Variants in CORIN observed in about 807,000 individuals in gnomAD.
CORIN encodes atrial natriuretic peptide-converting enzyme.
In CORIN, 117 loss-of-function variants were observed where a neutral mutation model predicts 125.3. The ratio of observed to expected loss-of-function variants is 0.93; its 90% CI spans 0.80 to 1.09. The LOEUF (loss-of-function observed/expected upper bound fraction) is 1.09, where lower values mean the gene tolerates loss of function less well. CORIN is among the 50% of genes least tolerant of loss of function. CORIN has a pLI of 0.00. For synonymous variants in CORIN, 450 were observed against 466.4 expected (o/e 0.96, Z 0.45); for missense variants, 1,253 against 1,306.7 (o/e 0.96, Z 0.63).
intron 2 of CORIN, among the ~76,000 whole-genome samples, chr4:47,788,920 C>A (rs1487518563): frequency 6.6e-6 from 1 of 152,170 alleles, no homozygotes; most frequent in Non-Finnish European, 1.5e-5. Context: ...TTGTTCCTAA[C>A]TTTTTGGTAA....
At chr4:47,779,421 T>C (rs1160542018) in intron 3 of CORIN, among the ~76,000 whole-genome samples, 1 of 151,852 alleles carries the variant, frequency 6.6e-6, no homozygotes, top group Non-Finnish European at 1.5e-5. Context: ...CTTAGCTGCA[T>C]ATTCTTTTTT....
intron 5 of CORIN, among the ~76,000 whole-genome samples, chr4:47,709,444 C>G (rs1387272666): frequency 6.6e-6 from 1 of 152,022 alleles, no homozygotes; most frequent in Non-Finnish European, 1.5e-5. Flanking sequence ...AGGCACCCAC[C>G]ACCACACCTG....
chr4:47,726,330 C>T (rs552539377), intron 5 of CORIN, among the ~76,000 whole-genome samples: 71 of 152,048 alleles, frequency 4.7e-4, no homozygotes, highest in Non-Finnish European at 8.5e-4. Flanking sequence ...AGCAAATAAA[C>T]AAATTGAGGT....
At chr4:47,729,824 G>C (rs1727781413) in intron 5 of CORIN, among the ~76,000 whole-genome samples, 1 of 152,170 alleles carries the variant, frequency 6.6e-6, no homozygotes, top group Non-Finnish European at 1.5e-5. Context: ...ATCGGAACCA[G>C]CAGATCAGTG....
chr4:47,633,692 A>G (rs909641058), intron 16 of CORIN, among the ~76,000 whole-genome samples: 1 of 152,170 alleles, frequency 6.6e-6, no homozygotes, highest in Non-Finnish European at 1.5e-5. Context: ...ATTTAATTTT[A>G]GTTTCAAAGA....
chr4:47,793,038 G>A (rs1467583863), intron 2 of CORIN, among the ~76,000 whole-genome samples: 1 of 152,150 alleles, frequency 6.6e-6, no homozygotes, highest in African/African-American at 2.4e-5. Flanking sequence ...TGTTGTTGTT[G>A]TTGTTGTTGT....
chr4:47,720,416 T>C (rs1010307837), intron 5 of CORIN, among the ~76,000 whole-genome samples: 1 of 152,180 alleles, frequency 6.6e-6, no homozygotes, highest in Non-Finnish European at 1.5e-5. Flanking sequence ...CTAAACTAAA[T>C]AACCACTTTT....
At chr4:47,767,359 A>G (rs1268841647) in intron 3 of CORIN, among the ~76,000 whole-genome samples, 1 of 146,648 alleles carries the variant, frequency 6.8e-6, no homozygotes, top group Admixed American at 7.0e-5. Flanking sequence ...ACCACCATTA[A>G]AAAGAAAAAA....
chr4:47,791,274 G>A (rs1322887804), intron 2 of CORIN, among the ~76,000 whole-genome samples: 1 of 152,134 alleles, frequency 6.6e-6, no homozygotes, highest in Non-Finnish European at 1.5e-5. Context: ...TTGTTTTGAA[G>A]ATGGAAAGAG....
rs549288896 is a variant in CORIN at position 47,787,984 on chromosome 4, T to C, written c.209-1059A>G. 1.4e-4 allele frequency among the ~76,000 whole-genome samples: 22 copies of C among 152,370 alleles called. 1 individual carries two copies. The South Asian group carries it at 3.7e-3, about 26-fold the overall frequency. ...AAACAAAGAACCAAACCTAAGATTA[T>C]TGAAAACCACCTTGCTTTGTCTTTA... On this transcript the variant is annotated intron_variant, in intron 2 of 21. Coordinates refer to ENST00000273857, the MANE Select transcript of CORIN (RefSeq NM_006587.4).
intron 5 of CORIN, among the ~76,000 whole-genome samples, chr4:47,702,126 T>A (rs1403220768): frequency 6.6e-6 from 1 of 152,154 alleles, no homozygotes; most frequent in Non-Finnish European, 1.5e-5. Context: ...TTTAAAAAAA[T>A]TGTGTTTAAT....
intron 3 of CORIN, among the ~76,000 whole-genome samples, chr4:47,767,762 A>C (rs536772912): frequency 6.6e-6 from 1 of 152,332 alleles, no homozygotes; most frequent in East Asian, 1.9e-4. Flanking sequence ...GACACCACAT[A>C]AATGCAAAGG....
chr4:47,598,009 G>T (rs1026791441), intron 21 of CORIN, among the ~76,000 whole-genome samples: 1 of 152,130 alleles, frequency 6.6e-6, no homozygotes, highest in Admixed American at 6.5e-5. Context: ...TTTGAGTTAG[G>T]CTTAGTGAGT....
intron 6 of CORIN, among the ~76,000 whole-genome samples, chr4:47,689,619 G>A (rs1432024240): frequency 1.3e-5 from 2 of 152,142 alleles, no homozygotes; most frequent in Non-Finnish European, 2.9e-5. Flanking sequence ...CGTTTTCCTT[G>A]AGTTTCTAAT....
At chr4:47,647,078 G>T (rs557359880) in intron 13 of CORIN, among the ~76,000 whole-genome samples, 30 of 152,246 alleles carry the variant, frequency 2.0e-4, no homozygotes, top group Admixed American at 3.9e-4. Flanking sequence ...TAGGCCCAGG[G>T]ACATCCATTC....
chr4:47,719,247 C>A (rs1727239633), intron 5 of CORIN, among the ~76,000 whole-genome samples: 1 of 152,286 alleles, frequency 6.6e-6, no homozygotes, highest in East Asian at 1.9e-4. Context: ...CTTCCTTCTA[C>A]CTTTTGCTCT....
At chr4:47,743,517 CTGGTAAGAGCATAAATTGG>C (rs1728508090) in intron 5 of CORIN, among the ~76,000 whole-genome samples, 1 of 152,210 alleles carries the variant, frequency 6.6e-6, no homozygotes, top group Non-Finnish European at 1.5e-5. Flanking sequence ...TTATAAGGAG[CTGGTAAGAGCATAAATTGG>C]TACAACCACT....
intron 11 of CORIN, among the ~76,000 whole-genome samples, chr4:47,662,560 T>C (rs1724299812): frequency 1.3e-5 from 2 of 152,270 alleles, no homozygotes; most frequent in Admixed American, 1.3e-4. Context: ...TACTTCTTTT[T>C]TTACTTCTTA....
intron 3 of CORIN, among the ~76,000 whole-genome samples, chr4:47,772,824 CAG>C (rs1560542413): frequency 2.0e-5 from 3 of 152,222 alleles, no homozygotes; most frequent in East Asian, 1.9e-4. Flanking sequence ...GTGAACTAGA[CAG>C]GGGAGAGATT....
Sources: gnomAD v4.1 joint callset for allele counts (sites outside exome capture counted in the v4.1 genomes callset) on GRCh38, gnomAD v4.1.1 for gene constraint, MANE v1.5 for transcripts, NCBI Gene and HGNC (gene_info 2026-07-23, HGNC 2026-07-21) for gene names.